Variants in FARP1 observed in about 807,000 individuals in gnomAD.
The protein encoded by FARP1 is FERM, ARH/RhoGEF and pleckstrin domain protein 1.
In FARP1, 52 loss-of-function variants were observed where a neutral mutation model predicts 128.8. The observed-to-expected ratio is 0.40, with a 90% CI of 0.32 to 0.51. FARP1 has a LOEUF of 0.51. Among genes scored for constraint, FARP1 ranks in the 20% least tolerant of loss-of-function variants. FARP1 has a pLI of 0.45. For missense variants in FARP1, 1,333 were observed against 1,367.9 expected (o/e 0.97, Z 0.40); for synonymous variants, 580 against 551.8 (o/e 1.05, Z -0.72).
At chr13:98,412,486 C>T (rs543424595) in intron 16 of FARP1, among the ~76,000 whole-genome samples, 5 of 152,292 alleles carry the variant, frequency 3.3e-5, no homozygotes, top group African/African-American at 9.6e-5. Context: ...ATGTATGTGG[C>T]GTGTGCATGC....
intron 2 of FARP1, among the ~76,000 whole-genome samples, chr13:98,310,294 T>C (rs559430619): frequency 2.0e-4 from 30 of 152,204 alleles, no homozygotes; most frequent in African/African-American, 6.7e-4. Context: ...TGGAGTTTCC[T>C]AAATACCATG....
intron 2 of FARP1, among the ~76,000 whole-genome samples, chr13:98,227,054 C>CTA (rs1322135341): frequency 7.2e-5 from 11 of 152,134 alleles, no homozygotes; most frequent in African/African-American, 2.7e-4. Context: ...CATTCTCTAG[C>CTA]CTCAGCCTCC....
rs376272678 is a variant in FARP1 at position 98,378,435 on chromosome 13, C to G, written c.496+517C>G. ...GACAAAGGATGAATCAGATTATGCT[C>G]ATCTCCAGGCTTGCTGACAAGCCAC... On this transcript the variant is annotated intron_variant, in intron 6 of 26. Coordinates refer to ENST00000319562, the MANE Select transcript of FARP1 (RefSeq NM_005766.4). Among the ~76,000 whole-genome samples, 6 of 152,312 alleles carry G rather than the reference C, an allele frequency of 3.9e-5. No homozygotes were observed. The South Asian group carries it at 6.2e-4, about 16-fold the overall frequency.
intron 2 of FARP1, among the ~76,000 whole-genome samples, chr13:98,330,583 C>T (rs1376501222): frequency 6.6e-5 from 10 of 152,046 alleles, no homozygotes; most frequent in Admixed American, 6.6e-4. Flanking sequence ...GGTGAAACCC[C>T]GTCTCTACTA....
chr13:98,374,823 G>C (rs57880531), intron 5 of FARP1, among the ~76,000 whole-genome samples: 1 of 152,182 alleles, frequency 6.6e-6, no homozygotes, highest in South Asian at 2.1e-4. Context: ...GCTTCCACTC[G>C]TGGTAGAAGG....
rs1878068314 is a variant in FARP1 at position 98,176,676 on chromosome 13, C to T, written c.-24+33184C>T. The T allele has an allele frequency of 6.2e-7, 1 of 1,614,104 alleles. No homozygotes were observed. The highest frequency in any genetic ancestry group is 1.3e-5 in the African/African-American group (1 of 74,940). ...AGATGTCAGGCTGGTAATCCCAGCG[C>T]ACAGTGGCGCGCAGATGCCCTGGCG... On this transcript the variant is annotated intron_variant, in intron 1 of 26. Transcript: ENST00000319562. The surrounding 1 kb of genome is among the most constrained non-coding windows in gnomAD (Gnocchi z 6.2).
intron 1 of FARP1, among the ~76,000 whole-genome samples, chr13:98,165,228 A>AAAC (rs1877162366): frequency 6.6e-6 from 1 of 151,662 alleles, no homozygotes; most frequent in East Asian, 1.9e-4. Context: ...AAAAAAAAAA[A>AAAC]AAAAAAAAAA....
At chr13:98,231,890 C>T (rs866533854) in intron 2 of FARP1, among the ~76,000 whole-genome samples, 1 of 151,696 alleles carries the variant, frequency 6.6e-6, no homozygotes, top group South Asian at 2.1e-4. Flanking sequence ...TGCAATGGCA[C>T]AATCTTGGCT....
At chr13:98,253,950 G>A (rs138139664) in intron 2 of FARP1, among the ~76,000 whole-genome samples, 1 of 152,294 alleles carries the variant, frequency 6.6e-6, no homozygotes, top group African/African-American at 2.4e-5. Flanking sequence ...AAACTGATGG[G>A]CAGTTTTGGC....
chr13:98,376,096 G>T (rs367797906), intron 5 of FARP1, among the ~76,000 whole-genome samples: 1 of 152,136 alleles, frequency 6.6e-6, no homozygotes, highest in African/African-American at 2.4e-5. Flanking sequence ...GGGGCAGGGG[G>T]TGGTATCTAT....
chr13:98,171,432 C>A (rs1173243330), intron 1 of FARP1, among the ~76,000 whole-genome samples: 1 of 152,196 alleles, frequency 6.6e-6, no homozygotes, highest in African/African-American at 2.4e-5. Context: ...CTCTGAGCAT[C>A]ACTTATGATA....
chr13:98,300,857 T>TG (rs35255394), intron 2 of FARP1, among the ~76,000 whole-genome samples: 43,684 of 152,096 alleles, frequency 0.29, 7,104 homozygotes, highest in Admixed American at 0.36. Flanking sequence ...GCTGCCGACT[T>TG]GGGGGCTCCA....
intron 2 of FARP1, among the ~76,000 whole-genome samples, chr13:98,238,037 G>A (rs1054112444): frequency 2.0e-5 from 3 of 152,268 alleles, no homozygotes; most frequent in Admixed American, 1.3e-4. Context: ...CAAAAGGAAG[G>A]TGAAGGATCT....
intron 2 of FARP1, among the ~76,000 whole-genome samples, chr13:98,302,915 C>T (rs910131873): frequency 2.6e-5 from 4 of 152,032 alleles, no homozygotes; most frequent in African/African-American, 7.2e-5. Context: ...GAGGAGAGCT[C>T]CTGAGCTGAG....
At chr13:98,346,156 C>T (rs569875262) in intron 3 of FARP1, among the ~76,000 whole-genome samples, 2 of 150,394 alleles carry the variant, frequency 1.3e-5, no homozygotes, top group South Asian at 4.2e-4. Context: ...CTGTTAATTA[C>T]TGAATTCCAG....
At chr13:98,206,354 T>C (rs950336782) in intron 1 of FARP1, among the ~76,000 whole-genome samples, 36 of 152,166 alleles carry the variant, frequency 2.4e-4, no homozygotes, top group African/African-American at 8.0e-4. Flanking sequence ...GCCTGTATGG[T>C]TTCTCATTTC....
rs1163148167 is a variant in FARP1, at chr13:98,395,221, AC to A, written c.1165-3del. On this transcript the variant is annotated splice_region_variant and splice_polypyrimidine_tract_variant and intron_variant, in intron 12 of 26. Transcript: ENST00000319562. The stretch of plus-strand genomic sequence containing the variant: ...CTCTCCGCACCTTTTTCCCCACCCC[AC>A]CCAGTCTCAGCAGAGCACCAGCCTT... 6.3e-7 allele frequency: 1 copy of A among 1,584,970 alleles called. No individual in the cohort carries two copies. Among genetic ancestry groups the A allele is most frequent in the East Asian group, 2.3e-5 (1 of 44,006 alleles).
intron 24 of FARP1, among the ~76,000 whole-genome samples, chr13:98,442,434 C>G (rs913988677): frequency 1.3e-5 from 2 of 152,218 alleles, no homozygotes; most frequent in Non-Finnish European, 2.9e-5. Context: ...AAGACATCCT[C>G]AAGGGGACAC....
At chr13:98,310,323 C>G (rs1886403425) in intron 2 of FARP1, among the ~76,000 whole-genome samples, 1 of 152,146 alleles carries the variant, frequency 6.6e-6, no homozygotes, top group Non-Finnish European at 1.5e-5. Context: ...CCTCCCTCCT[C>G]TGAAGGGTTA....
Sources: allele counts gnomAD v4.1 joint callset (sites outside exome capture counted in the v4.1 genomes callset), GRCh38; gene constraint gnomAD v4.1.1; non-coding constraint Gnocchi (gnomAD v3.1); transcripts MANE v1.5; gene names NCBI Gene and HGNC (gene_info 2026-07-23, HGNC 2026-07-21).